Variants in AKAP6 observed in about 807,000 individuals in gnomAD.
AKAP6 encodes the protein A-kinase anchoring protein 6.
A neutral mutation model predicts 188.5 loss-of-function variants in AKAP6; 58 were observed. The ratio of observed to expected loss-of-function variants is 0.31; its 90% CI spans 0.25 to 0.38. The LOEUF (loss-of-function observed/expected upper bound fraction) is 0.38, where lower values mean the gene tolerates loss of function less well. Ranked by LOEUF, AKAP6 falls within the 10% of genes least tolerant of loss-of-function variation. AKAP6 has a pLI of 1.00. For synonymous variants in AKAP6, 989 were observed against 998.6 expected (o/e 0.99, Z 0.18); for missense variants, 2,710 against 2,740.0 (o/e 0.99, Z 0.24).
intron 4 of AKAP6, among the ~76,000 whole-genome samples, chr14:32,574,374 C>G (rs757891315): frequency 6.6e-6 from 1 of 152,116 alleles, no homozygotes; most frequent in African/African-American, 2.4e-5. Flanking sequence ...AGGTGCCATC[C>G]GGAAATGTTC....
At chr14:32,795,173 A>G (rs2033729233) in intron 12 of AKAP6, among the ~76,000 whole-genome samples, 2 of 152,200 alleles carry the variant, frequency 1.3e-5, no homozygotes, top group Admixed American at 6.5e-5. Context: ...GCCCAGGACC[A>G]TTTGGATTCA....
In AKAP6 at chr14:32,821,441, A is replaced by C. The variant is rs1361439166; in HGVS notation, c.3628A>C (p.Asn1210His). ...GATTGATCCTGGCTTGATGGACCTA[A>C]ATGGGATGAGTGAGGATGCCCTGGA... ...NVIDPGLMDLNGMSEDALEWD... is the reference protein window; with the variant it reads ...NVIDPGLMDLHGMSEDALEWD... The change falls in exon 13 of 14, where the codon AAT becomes CAT. Residue 1210 changes from asparagine to histidine, a missense_variant. By Grantham distance (68) the Asn-to-His change is moderately conservative (BLOSUM62 1). Coordinates refer to ENST00000280979, the MANE Select transcript of AKAP6 (RefSeq NM_004274.5). 5 of 1,612,952 alleles carry C rather than the reference A, an allele frequency of 3.1e-6. No individual in the cohort carries two copies. The African/African-American group carries it at 6.7e-5, about 22-fold the overall frequency.
At chr14:32,571,273 C>A (rs534339644) in intron 4 of AKAP6, among the ~76,000 whole-genome samples, 2 of 151,112 alleles carry the variant, frequency 1.3e-5, no homozygotes, top group African/African-American at 4.9e-5. Context: ...CCTGTGATAC[C>A]TTTGCTTTGG....
chr14:32,535,727 G>A lies in AKAP6; in HGVS notation c.498G>A (p.Leu166=), dbSNP rs143299114. 523 of 1,614,238 alleles carry A rather than the reference G, an allele frequency of 3.2e-4. 5 individuals carry two copies. In the Middle Eastern group the frequency reaches 0.012, roughly 38 times the overall value. Residue 166 remains leucine (L), a synonymous_variant, in exon 3 of 14, where the codon CTG becomes CTA. Coordinates refer to ENST00000280979, the MANE Select transcript of AKAP6 (RefSeq NM_004274.5). ...TGCTGGTTCTGCGGGAGCGCATTCT[G>A]CAAGGTCTGCAGGACGCCAATGGCA... is the stretch of plus-strand genomic sequence containing the variant. ...VSVLVLRERI[L]QGLQDANGNY... is the part of the protein sequence containing the mutation.
At chr14:32,342,722 G>C (rs1799040900) in intron 1 of AKAP6, among the ~76,000 whole-genome samples, 1 of 152,144 alleles carries the variant, frequency 6.6e-6, no homozygotes, top group Non-Finnish European at 1.5e-5. Flanking sequence ...GCTGGATGGA[G>C]ACTCTACTGA....
In AKAP6 at chr14:32,546,107, T is replaced by G; in HGVS notation, c.1454T>G (p.Leu485Arg). The change falls in exon 4 of 14, where the codon CTT becomes CGT. Residue 485 changes from leucine to arginine, a missense_variant. Physicochemically the swap from Leu to Arg is moderately radical, Grantham distance 102. Transcript: ENST00000280979. ...GAAATTTCTTCCAGCCTGGGAAGGC[T>G]TAACGACTGCTATAAAGAGAAATCT... The part of the protein sequence containing the change: ...IKEISSSLGR[L>R]NDCYKEKSRL... 1 of 1,614,204 alleles carries G rather than the reference T, an allele frequency of 6.2e-7. No homozygotes were observed. The highest frequency in any genetic ancestry group is 8.5e-7 in the Non-Finnish European group (1 of 1,180,024).
intron 11 of AKAP6, among the ~76,000 whole-genome samples, chr14:32,746,007 G>A (rs1483207732): frequency 3.9e-5 from 6 of 152,194 alleles, no homozygotes; most frequent in African/African-American, 1.4e-4. Context: ...AAGATTCAAG[G>A]GCTCTTATGT....
intron 4 of AKAP6, among the ~76,000 whole-genome samples, chr14:32,562,375 A>G (rs1174736346): frequency 1.4e-5 from 2 of 140,062 alleles, no homozygotes; most frequent in Non-Finnish European, 1.6e-5. Context: ...CTGAGCCCCA[A>G]AATAAAACTG....
At chr14:32,503,627 T>C (rs1880714878) in intron 2 of AKAP6, among the ~76,000 whole-genome samples, 1 of 152,056 alleles carries the variant, frequency 6.6e-6, no homozygotes, top group Admixed American at 6.6e-5. Context: ...TGTCAGATAT[T>C]TATCTAGTTG....
intron 7 of AKAP6, among the ~76,000 whole-genome samples, chr14:32,677,612 A>G (rs1339566938): frequency 1.3e-5 from 2 of 152,236 alleles, no homozygotes; most frequent in East Asian, 3.8e-4. Context: ...GCTGCAATAA[A>G]TAAAGCATCT....
At chr14:32,483,266 A>G (rs1879459607) in intron 2 of AKAP6, among the ~76,000 whole-genome samples, 1 of 152,094 alleles carries the variant, frequency 6.6e-6, no homozygotes, top group Admixed American at 6.5e-5. Flanking sequence ...TATAATCTTT[A>G]TTATAATACT....
In AKAP6 at chr14:32,342,569, A is replaced by T. The variant is rs561570483; in HGVS notation, c.-35+13161A>T. ...AACTGATATTATTAGACATTTTCTC[A>T]TGAAGCCCCTCCTATCTCCATGATC... On this transcript the variant is annotated intron_variant, in intron 1 of 13. Transcript: ENST00000280979. Among the ~76,000 whole-genome samples the T allele has an allele frequency of 1.2e-3, 181 of 152,286 alleles. 1 individual carries two copies. Among genetic ancestry groups the T allele is most frequent in the Middle Eastern group, 6.8e-3 (2 of 294 alleles).
chr14:32,785,753 C>T (rs952191583), intron 12 of AKAP6, among the ~76,000 whole-genome samples: 3 of 152,172 alleles, frequency 2.0e-5, no homozygotes, highest in Non-Finnish European at 1.5e-5. Context: ...TCTCTCACAA[C>T]TTTCCCAGTT....
rs748002228 is a variant in AKAP6, at chr14:32,824,697, C to T, written c.6884C>T (p.Pro2295Leu). The change falls in exon 13 of 14, where the codon CCC (proline) becomes CTC (leucine). Residue 2295 changes from proline to leucine, a missense_variant. Pro to Leu is a moderately conservative substitution (Grantham distance 98, BLOSUM62 -3). Around this residue, in one of 2 missense-constraint regions of AKAP6, gnomAD observed 2,473 missense variants for 2,426.1 expected, o/e 1.02. Transcript: ENST00000280979. ...CCAACAGACAAGGCCGCATTGCATC[C>T]CAGCCCCAAAACTTTAACCTGTGAA... ...NQPTDKAALH[P>L]SPKTLTCEEN... 2 of 1,613,744 alleles carry T rather than the reference C, an allele frequency of 1.2e-6. No individual in the cohort carries two copies. Among genetic ancestry groups the T allele is most frequent in the Non-Finnish European group, 8.5e-7 (1 of 1,179,894 alleles).
chr14:32,486,044 A>G (rs1165093474), intron 2 of AKAP6, among the ~76,000 whole-genome samples: 1 of 152,156 alleles, frequency 6.6e-6, no homozygotes, highest in Non-Finnish European at 1.5e-5. Context: ...ATGGCTAGCC[A>G]GTTTTCCCAA....
chr14:32,707,439 G>A (rs1890855353), intron 9 of AKAP6, among the ~76,000 whole-genome samples: 1 of 151,772 alleles, frequency 6.6e-6, no homozygotes, highest in Admixed American at 6.6e-5. Context: ...TTCTTCTTGG[G>A]GATTATTCAG....
intron 12 of AKAP6, among the ~76,000 whole-genome samples, chr14:32,820,637 C>A (rs1594981788): frequency 6.6e-6 from 1 of 152,126 alleles, no homozygotes; most frequent in Middle Eastern, 3.4e-3. Flanking sequence ...TAACAAGGAC[C>A]AAAGTGAAGT....
At chr14:32,648,300 G>C (rs1888066909) in intron 7 of AKAP6, among the ~76,000 whole-genome samples, 1 of 152,128 alleles carries the variant, frequency 6.6e-6, no homozygotes, top group Middle Eastern at 3.2e-3. Context: ...TCTATTGGTT[G>C]TCTCTCAGGT....
chr14:32,461,877 A>G (rs1234564112), intron 2 of AKAP6, among the ~76,000 whole-genome samples: 1 of 152,014 alleles, frequency 6.6e-6, no homozygotes, highest in Admixed American at 6.6e-5. Context: ...TACTTTAGAG[A>G]GGAACATAAA....
Sources: allele counts gnomAD v4.1 joint callset (sites outside exome capture counted in the v4.1 genomes callset), GRCh38; gene constraint gnomAD v4.1.1; regional missense constraint gnomAD v4.1.1; transcripts MANE v1.5; gene names NCBI Gene and HGNC (gene_info 2026-07-23, HGNC 2026-07-21).